The following ESR1 variants were observed in gnomAD, a reference collection of about 807,000 sequenced individuals.
ESR1 encodes estrogen receptor.
ESR1 carries 12 observed loss-of-function variants against 52.7 expected under a neutral mutation model. The ratio of observed to expected loss-of-function variants is 0.23; its 90% CI spans 0.15 to 0.37. The LOEUF is 0.37. Ranked by LOEUF, ESR1 falls within the 10% of genes least tolerant of loss-of-function variation. The pLI is 1.00. For synonymous variants in ESR1, 305 were observed against 316.8 expected (o/e 0.96, Z 0.39); for missense variants, 584 against 779.7 (o/e 0.75, Z 2.99).
chr6:151,774,140 T>C (rs1377666419), intron 2 of ESR1, among the ~76,000 whole-genome samples: 1 of 152,194 alleles, frequency 6.6e-6, no homozygotes, highest in Non-Finnish European at 1.5e-5. Context: ...CAGTTTTGAC[T>C]TACCTTGCAA....
At chr6:151,694,996 A>C (rs758364775) in intron 1 of ESR1, among the ~76,000 whole-genome samples, 4 of 152,172 alleles carry the variant, frequency 2.6e-5, no homozygotes, top group Non-Finnish European at 4.4e-5. Flanking sequence ...CCTCCCAGCC[A>C]TGTGGCAAAG....
intron 1 of ESR1, among the ~76,000 whole-genome samples, chr6:151,835,000 A>G (rs1263661696): frequency 6.6e-6 from 1 of 152,098 alleles, no homozygotes; most frequent in Non-Finnish European, 1.5e-5. Context: ...AAAGATCTCT[A>G]CTATAATAGG....
At chr6:151,867,001 A>T (rs1400187981) in intron 2 of ESR1, among the ~76,000 whole-genome samples, 1 of 152,204 alleles carries the variant, frequency 6.6e-6, no homozygotes, top group Admixed American at 6.5e-5. Context: ...ACCTGACAAA[A>T]CAAGCAATGG....
chr6:151,772,381 C>T (rs1785595556), intron 2 of ESR1, among the ~76,000 whole-genome samples: 1 of 152,158 alleles, frequency 6.6e-6, no homozygotes, highest in Non-Finnish European at 1.5e-5. Flanking sequence ...CCAATAACTT[C>T]AGTAATAACT....
intron 6 of ESR1, among the ~76,000 whole-genome samples, chr6:152,089,589 T>G (rs1259519040): frequency 6.6e-6 from 1 of 152,138 alleles, no homozygotes; most frequent in Non-Finnish European, 1.5e-5. Context: ...TTTTCACTAC[T>G]TTTTTTTGAG....
chr6:152,101,984 G>A lies in ESR1; in HGVS notation c.*3018G>A, dbSNP rs564380341. 5.1e-5 allele frequency: 11 copies of A among 214,888 alleles called. No homozygotes were observed. The South Asian group carries it at 1.1e-3, about 22-fold the overall frequency. 13.3% of individuals were successfully genotyped at this position (214,888 alleles called of 1,614,324 possible). On this transcript the variant is annotated 3_prime_UTR_variant, in exon 8 of 8. Coordinates refer to ENST00000206249, the MANE Select transcript of ESR1 (RefSeq NM_000125.4). Reference sequence around the variant, plus strand: ...TAGCTAGTGGTCTGTGTTTCTTTTCGCCATTGCCTAGCTTGCCGTAATGAT... The same window carrying A: ...TAGCTAGTGGTCTGTGTTTCTTTTCACCATTGCCTAGCTTGCCGTAATGAT...
chr6:151,985,696 C>T (rs1365709838), intron 4 of ESR1, among the ~76,000 whole-genome samples: 1 of 152,028 alleles, frequency 6.6e-6, no homozygotes, highest in Admixed American at 6.5e-5. Flanking sequence ...GAGACAGTGT[C>T]TCACGCTGTC....
intron 2 of ESR1, among the ~76,000 whole-genome samples, chr6:151,844,152 T>C (rs1165614391): frequency 3.3e-5 from 5 of 151,424 alleles, no homozygotes; most frequent in Non-Finnish European, 7.4e-5. Flanking sequence ...TTTATTATTT[T>C]TCTAAACATA....
intron 2 of ESR1, among the ~76,000 whole-genome samples, chr6:151,772,030 C>T (rs1401248136): frequency 6.6e-6 from 1 of 152,222 alleles, no homozygotes; most frequent in Non-Finnish European, 1.5e-5. Context: ...AACAGCTCAA[C>T]CTTCCCACCT....
chr6:152,027,044 G>C (rs1439146763), intron 5 of ESR1, among the ~76,000 whole-genome samples: 1 of 151,210 alleles, frequency 6.6e-6, no homozygotes, highest in Non-Finnish European at 1.5e-5. Context: ...TCGGCTCACT[G>C]CAACTTCTGC....
intron 3 of ESR1, among the ~76,000 whole-genome samples, chr6:151,907,832 A>G (rs941183170): frequency 1.3e-5 from 2 of 152,192 alleles, no homozygotes; most frequent in Admixed American, 6.5e-5. Context: ...TTCAGAAATC[A>G]TGGTACATCA....
At chr6:151,864,308 A>G (rs566695278) in intron 2 of ESR1, among the ~76,000 whole-genome samples, 1 of 152,370 alleles carries the variant, frequency 6.6e-6, no homozygotes, top group Non-Finnish European at 1.5e-5. Flanking sequence ...AAAAGAAGAC[A>G]TTTATGCAGC....
At chr6:152,041,740 C>G (rs1040476812) in intron 5 of ESR1, among the ~76,000 whole-genome samples, 2 of 152,130 alleles carry the variant, frequency 1.3e-5, no homozygotes, top group African/African-American at 4.8e-5. Flanking sequence ...GATTATGACA[C>G]AAAGCTGGAG....
chr6:151,778,030 T>G (rs1472561706), intron 2 of ESR1, among the ~76,000 whole-genome samples: 1 of 152,186 alleles, frequency 6.6e-6, no homozygotes, highest in Admixed American at 6.5e-5. Context: ...AACCAGGAAA[T>G]CTACATCTTG....
At chr6:151,920,419 A>G (rs758945275) in intron 3 of ESR1, among the ~76,000 whole-genome samples, 1 of 152,076 alleles carries the variant, frequency 6.6e-6, no homozygotes, top group Non-Finnish European at 1.5e-5. Flanking sequence ...TATTATCGAC[A>G]TCTTACATTA....
At chr6:151,748,717 A>G (rs1258678691) in intron 2 of ESR1, among the ~76,000 whole-genome samples, 3 of 152,148 alleles carry the variant, frequency 2.0e-5, no homozygotes, top group Non-Finnish European at 4.4e-5. Context: ...GTGGTAGGTA[A>G]AAAATAGTTC....
intron 2 of ESR1, among the ~76,000 whole-genome samples, chr6:151,733,044 C>T (rs1001266212): frequency 2.6e-5 from 4 of 152,190 alleles, no homozygotes; most frequent in Non-Finnish European, 4.4e-5. Flanking sequence ...GCCCAGATAA[C>T]AGTAACAGAT....
chr6:151,814,931 G>A (rs1779376725), intron 1 of ESR1, among the ~76,000 whole-genome samples: 1 of 152,182 alleles, frequency 6.6e-6, no homozygotes, highest in South Asian at 2.1e-4. Flanking sequence ...CTTGGTTTCA[G>A]GAGTTTTAGA....
chr6:151,721,303 G>A (rs1052769070), intron 2 of ESR1, among the ~76,000 whole-genome samples: 2 of 152,122 alleles, frequency 1.3e-5, no homozygotes, highest in Non-Finnish European at 2.9e-5. Context: ...GGTTCATTAC[G>A]GCTAGAATCC....
Sources: allele counts gnomAD v4.1 joint callset (sites outside exome capture counted in the v4.1 genomes callset), GRCh38; gene constraint gnomAD v4.1.1; transcripts MANE v1.5; gene names NCBI Gene and HGNC (gene_info 2026-07-23, HGNC 2026-07-21).